Variants in ITGB3 observed in about 807,000 individuals in gnomAD.
The protein encoded by ITGB3 is integrin subunit beta 3, also known as integrin beta-3.
A neutral mutation model predicts 85.8 loss-of-function variants in ITGB3; 48 were observed. The observed-to-expected ratio is 0.56, with a 90% CI of 0.44 to 0.71. The LOEUF (loss-of-function observed/expected upper bound fraction) is 0.71, where lower values mean the gene tolerates loss of function less well. ITGB3 is among the 30% of genes least tolerant of loss of function. The pLI is 0.00. For synonymous variants in ITGB3, 363 were observed against 395.6 expected (o/e 0.92, Z 0.98); for missense variants, 861 against 1,019.1 (o/e 0.84, Z 2.11).
intron 6 of ITGB3, among the ~76,000 whole-genome samples, chr17:47,287,648 CCTGTAATCTCAGCA>C (rs1486390523): frequency 6.6e-6 from 1 of 152,148 alleles, no homozygotes; most frequent in African/African-American, 2.4e-5. Flanking sequence ...ATGGCTCATG[CCTGTAATCTCAGCA>C]CTTTGGGAGG....
intron 13 of ITGB3, among the ~76,000 whole-genome samples, chr17:47,304,835 T>G (rs1411281157): frequency 6.6e-6 from 1 of 152,158 alleles, no homozygotes; most frequent in East Asian, 1.9e-4. Flanking sequence ...CTTGAACTCC[T>G]GACTTCAAGT....
rs1257187461 is a variant in ITGB3, at chr17:47,290,777, C to T, written c.1126-177C>T. On this transcript the variant is annotated intron_variant, in intron 8 of 14. Transcript: ENST00000559488. ...TGGAAAGAGGGAGCAGGTTCCTGCG[C>T]AGGAAACAGAGTCCTAGGGGTGCTC... Among the ~76,000 whole-genome samples the T allele has an allele frequency of 3.3e-5, 5 of 152,130 alleles. No homozygotes were observed. In the East Asian group the frequency reaches 9.6e-4, roughly 29 times the overall value.
At position 47,299,399 on chromosome 17, in the gene ITGB3, G is replaced by A. The variant is rs1262760885; in HGVS notation, c.1782G>A (p.Met594Ile). Residue 594 changes from methionine (M) to isoleucine (I), a missense_variant, in exon 11 of 15, where the codon ATG becomes ATA. By Grantham distance (10) the Met-to-Ile change is conservative. Coordinates refer to ENST00000559488, the MANE Select transcript of ITGB3 (RefSeq NM_000212.3). This position sits in a 1 kb window ranked among gnomAD's most constrained non-coding sequence, Gnocchi z 5.1. ...GTACCACGCGTACTGACACCTGCAT[G>A]TCCAGCAATGGGCTGCTGTGCAGCG... ...CNCTTRTDTC[M>I]SSNGLLCSGR... The A allele has an allele frequency of 1.2e-6, 2 of 1,614,252 alleles. No homozygotes were observed. The highest frequency in any genetic ancestry group is 2.2e-5 in the South Asian group (2 of 91,088).
chr17:47,289,887 A>C, intron 7 of ITGB3, 111 bp downstream of exon 7: 1 of 817,238 alleles, frequency 1.2e-6, no homozygotes, highest in Non-Finnish European at 2.1e-6. Flanking sequence ...AGTCTCCCCT[A>C]ATCCACTCCC....
At chr17:47,262,217 C>T (rs545913674) in intron 1 of ITGB3, among the ~76,000 whole-genome samples, 108 of 152,292 alleles carry the variant, frequency 7.1e-4, no homozygotes, top group Non-Finnish European at 1.0e-3. Context: ...GGTGTTAGCA[C>T]CGCGGCCTGC....
intron 12 of ITGB3, 32 bp downstream of exon 12, chr17:47,300,610 C>G: frequency 6.7e-7 from 1 of 1,502,358 alleles, no homozygotes; most frequent in South Asian, 1.1e-5. Flanking sequence ...GTTGCACACA[C>G]CCAGGTTCTA....
intron 6 of ITGB3, among the ~76,000 whole-genome samples, chr17:47,288,362 ACTT>A (rs1175466749): frequency 6.6e-6 from 1 of 152,114 alleles, no homozygotes; most frequent in Non-Finnish European, 1.5e-5. Flanking sequence ...ACATGAGAAA[ACTT>A]CTTATAAGTT....
At chr17:47,267,962 G>T (rs1433305573) in intron 1 of ITGB3, among the ~76,000 whole-genome samples, 2 of 152,136 alleles carry the variant, frequency 1.3e-5, no homozygotes, top group Admixed American at 1.3e-4. Context: ...AACATGGCTT[G>T]GGAGGCCTCA....
chr17:47,287,078 T>C lies in ITGB3; in HGVS notation c.786T>C (p.Ile262=). Residue 262 remains isoleucine, a synonymous_variant, in exon 6 of 15, where the codon ATT becomes ATC. Coordinates refer to ENST00000559488, the MANE Select transcript of ITGB3 (RefSeq NM_000212.3). ...IMQATVCDEK[I]GWRNDASHLL... Reference sequence around the variant, plus strand: ...TTGTTTTCTTTTAACAGGAAAAGATTGGCTGGAGGAATGATGCATCCCACT... The same window carrying C: ...TTGTTTTCTTTTAACAGGAAAAGATCGGCTGGAGGAATGATGCATCCCACT... The C allele has an allele frequency of 1.9e-6, 3 of 1,613,968 alleles. No homozygotes were observed. Among genetic ancestry groups the C allele is most frequent in the Non-Finnish European group, 1.7e-6 (2 of 1,179,924 alleles).
intron 10 of ITGB3, among the ~76,000 whole-genome samples, chr17:47,298,834 G>A (rs1349412462): frequency 6.6e-6 from 1 of 152,204 alleles, no homozygotes; most frequent in African/African-American, 2.4e-5. Context: ...GGGCCTGTGA[G>A]GCCTTTTGCC....
rs146949267 is a variant in ITGB3, at chr17:47,263,835, T to C, written c.79+9895T>C. 7.4e-3 allele frequency among the ~76,000 whole-genome samples: 1,128 copies of C among 152,312 alleles called. 14 individuals carry two copies. Among genetic ancestry groups the C allele is most frequent in the African/African-American group, 0.025 (1,032 of 41,572 alleles). ...AGCATGAAGGGTCAATGAAAGGATA[T>C]GGCCAGTGGTCAAGACATTTGAACT... On this transcript the variant is annotated intron_variant, in intron 1 of 14. Coordinates refer to ENST00000559488, the MANE Select transcript of ITGB3 (RefSeq NM_000212.3).
rs147832328 is a variant in ITGB3 at position 47,312,174 on chromosome 17, A to G, written c.*1970A>G. Among the ~76,000 whole-genome samples, 74 of 152,332 alleles carry G rather than the reference A, an allele frequency of 4.9e-4. No individual in the cohort carries two copies. The highest frequency in any genetic ancestry group is 1.7e-3 in the African/African-American group (69 of 41,566). On this transcript the variant is annotated 3_prime_UTR_variant, in exon 15 of 15. Coordinates refer to ENST00000559488, the MANE Select transcript of ITGB3 (RefSeq NM_000212.3). Reference sequence around the variant, plus strand: ...TTTGTTAATAGTTACGTCTCTCCTGATGTAGCACTTAAGCTTCATTTAGTT... The same window carrying G: ...TTTGTTAATAGTTACGTCTCTCCTGGTGTAGCACTTAAGCTTCATTTAGTT...
intron 10 of ITGB3, among the ~76,000 whole-genome samples, chr17:47,297,092 C>T (rs2065148606): frequency 6.6e-6 from 1 of 152,118 alleles, no homozygotes; most frequent in Non-Finnish European, 1.5e-5. Context: ...AAGAATATTC[C>T]ATTAAAACTG....
chr17:47,272,056 A>ATTT (rs58156465), intron 1 of ITGB3, among the ~76,000 whole-genome samples: 4 of 103,316 alleles, frequency 3.9e-5, no homozygotes, highest in Non-Finnish European at 4.0e-5. Context: ...CACCGGGGCT[A>ATTT]TTTTTTTTTT....
intron 10 of ITGB3, among the ~76,000 whole-genome samples, chr17:47,294,972 G>A (rs2065140216): frequency 6.6e-6 from 1 of 152,124 alleles, no homozygotes; most frequent in Non-Finnish European, 1.5e-5. Context: ...GGTTGCTCAT[G>A]ATCAACATTC....
intron 1 of ITGB3, among the ~76,000 whole-genome samples, chr17:47,260,545 T>C (rs2065005440): frequency 6.6e-6 from 1 of 152,238 alleles, no homozygotes. Context: ...TCTTTGCTAA[T>C]GGAAATTTTG....
chr17:47,302,574 C>T lies in ITGB3; in HGVS notation c.2015-147C>T, dbSNP rs372403289. On this transcript the variant is annotated intron_variant, in intron 12 of 14. Transcript: ENST00000559488. ...AGTGAGTGGCAACTGCCAGACACAA[C>T]AGCCACCTTGAATCTAGGCATCGTG... The T allele has an allele frequency of 1.7e-5, 16 of 924,330 alleles. No homozygotes were observed. The Admixed American group carries it at 1.8e-4, about 11-fold the overall frequency. 57.3% of individuals were successfully genotyped at this position (924,330 alleles called of 1,614,324 possible). A position where few individuals can be genotyped will look rare whatever the true frequency, so the allele number is the denominator to read the frequency against.
chr17:47,298,771 G>A (rs1045784176), intron 10 of ITGB3, among the ~76,000 whole-genome samples: 1 of 152,220 alleles, frequency 6.6e-6, no homozygotes, highest in Non-Finnish European at 1.5e-5. Flanking sequence ...GGCCTCTCAG[G>A]TCAGGTAGGA....
In ITGB3 at chr17:47,313,721, T is replaced by C. The variant is rs2065225700; in HGVS notation, c.*3517T>C. On this transcript the variant is annotated 3_prime_UTR_variant, in exon 15 of 15. Transcript: ENST00000559488. ...CTGTTTGGGTTTGTGCAACAGTAAA[T>C]TAAATGTACTTTCCAAAAAGAATTG... 6.6e-6 allele frequency among the ~76,000 whole-genome samples: 1 copy of C among 152,216 alleles called. No homozygotes were observed. The highest frequency in any genetic ancestry group is 1.5e-5 in the Non-Finnish European group (1 of 68,036).
Sources: allele counts gnomAD v4.1 joint callset (sites outside exome capture counted in the v4.1 genomes callset), GRCh38; gene constraint gnomAD v4.1.1; non-coding constraint Gnocchi (gnomAD v3.1); transcripts MANE v1.5; gene names NCBI Gene and HGNC (gene_info 2026-07-23, HGNC 2026-07-21).